Variants in UNC13B observed in about 807,000 individuals in gnomAD.
The protein encoded by UNC13B is unc-13 homolog B.
UNC13B carries 144 observed loss-of-function variants against 211.0 expected under a neutral mutation model. That is an observed-to-expected ratio of 0.68 (90% confidence interval 0.60 to 0.78). UNC13B has a LOEUF of 0.78. UNC13B is among the 30% of genes least tolerant of loss of function. UNC13B has a pLI of 0.00. For synonymous variants in UNC13B, 709 were observed against 725.8 expected, an observed-to-expected ratio of 0.98 and a Z score of 0.37; for missense variants, 1,777 against 2,002.0, an observed-to-expected ratio of 0.89 and a Z score of 2.14.
intron 2 of UNC13B, among the ~76,000 whole-genome samples, chr9:35,228,740 GTGTGTGTGTA>G (rs779579124): frequency 4.7e-5 from 6 of 126,342 alleles, no homozygotes; most frequent in East Asian, 2.6e-4. Flanking sequence ...GTGTGTGTGT[GTGTGTGTGTA>G]TGTGTGTGTC....
At chr9:35,266,296 T>A (rs1436382655) in intron 7 of UNC13B, among the ~76,000 whole-genome samples, 1 of 152,228 alleles carries the variant, frequency 6.6e-6, no homozygotes, top group Non-Finnish European at 1.5e-5. Flanking sequence ...GGATGGCCCC[T>A]CCACTACCCA....
At chr9:35,200,268 A>C (rs375539826) in intron 1 of UNC13B, among the ~76,000 whole-genome samples, 1 of 152,250 alleles carries the variant, frequency 6.6e-6, no homozygotes, top group African/African-American at 2.4e-5. Flanking sequence ...GTCAGGTAGC[A>C]TGATGCCTCC....
rs1587562883 is a variant in UNC13B at position 35,296,797 on chromosome 9, T to C, written c.761+867T>C. On this transcript the variant is annotated intron_variant, in intron 8 of 39. Coordinates refer to ENST00000635942, the MANE Select transcript of UNC13B (RefSeq NM_001371189.2). The stretch of plus-strand genomic sequence containing the variant: ...AAATAAGTTGCAGATATTGTGTTAC[T>C]TCATCAGAAAGTATTTCAGCATGTT... Among the ~76,000 whole-genome samples the C allele has an allele frequency of 1.3e-5, 2 of 152,356 alleles. 1 individual carries two copies. Among genetic ancestry groups the C allele is most frequent in the Admixed American group, 1.3e-4 (2 of 15,300 alleles).
rs575059307 is a variant in UNC13B, at chr9:35,359,683, A to G, written c.9415-7264A>G. Among the ~76,000 whole-genome samples the G allele has an allele frequency of 1.2e-3, 177 of 152,270 alleles. 1 individual carries two copies. In the South Asian group the frequency reaches 0.035, roughly 31 times the overall value. On this transcript the variant is annotated intron_variant, in intron 11 of 39. Coordinates refer to ENST00000635942, the MANE Select transcript of UNC13B (RefSeq NM_001371189.2). Reference sequence around the variant, plus strand: ...CTCTCCCTTCTCTCTCACAACCTGTATTCAGTCCGTTAGTAAATTCCACTT... The same window carrying G: ...CTCTCCCTTCTCTCTCACAACCTGTGTTCAGTCCGTTAGTAAATTCCACTT...
intron 11 of UNC13B, among the ~76,000 whole-genome samples, chr9:35,340,279 A>C (rs934216615): frequency 9.2e-5 from 14 of 152,142 alleles, no homozygotes; most frequent in African/African-American, 3.4e-4. Flanking sequence ...TGGCTGTGTA[A>C]TGAGGTGGAT....
intron 1 of UNC13B, among the ~76,000 whole-genome samples, chr9:35,191,371 G>A (rs1045355190): frequency 2.0e-5 from 3 of 152,170 alleles, no homozygotes; most frequent in African/African-American, 7.2e-5. Flanking sequence ...TAGCCCCTAA[G>A]CTGTCCTTGC....
At chr9:35,188,418 G>A (rs996972431) in intron 1 of UNC13B, among the ~76,000 whole-genome samples, 2 of 152,152 alleles carry the variant, frequency 1.3e-5, no homozygotes, top group Non-Finnish European at 2.9e-5. Flanking sequence ...ATAATTGATA[G>A]CATATACTTA....
intron 23 of UNC13B, 138 bp downstream of exon 23, chr9:35,385,951 C>A: frequency 7.2e-7 from 1 of 1,390,902 alleles, no homozygotes; most frequent in Non-Finnish European, 9.7e-7. Context: ...TACCTGTTCC[C>A]TGGGTTACTT....
intron 1 of UNC13B, among the ~76,000 whole-genome samples, chr9:35,204,318 C>G (rs919569257): frequency 1.3e-5 from 2 of 152,170 alleles, no homozygotes; most frequent in Non-Finnish European, 2.9e-5. Context: ...TAGTGCAGTG[C>G]AGAGGGGAAA....
At position 35,304,541 on chromosome 9, in the gene UNC13B, C is replaced by A; in HGVS notation, c.5137C>A (p.Leu1713Ile). The part of the protein sequence containing the change: ...QPLAEDSSVH[L>I]SSFHWLQSSV... The stretch of plus-strand genomic sequence containing the variant: ...TCTAGCTGAAGATTCATCAGTTCAC[C>A]TTTCCAGTTTCCATTGGCTTCAGTC... Residue 1713 changes from leucine (L) to isoleucine (I), a missense_variant, in exon 9 of 40, where the codon CTT (leucine) becomes ATT (isoleucine). Leu to Ile is a conservative substitution (Grantham distance 5, BLOSUM62 2). Coordinates refer to ENST00000635942, the MANE Select transcript of UNC13B (RefSeq NM_001371189.2). 1 of 398,686 alleles carries A rather than the reference C, an allele frequency of 2.5e-6. No individual in the cohort carries two copies. Among genetic ancestry groups the A allele is most frequent in the South Asian group, 1.3e-4 (1 of 7,828 alleles). The allele number at this position is 398,686 out of a possible 1,614,324, so 24.7% of individuals were successfully genotyped here.
At chr9:35,380,717 C>A in intron 18 of UNC13B, 78 bp downstream of exon 18, 1 of 1,569,562 alleles carries the variant, frequency 6.4e-7, no homozygotes, top group Non-Finnish European at 8.7e-7. Flanking sequence ...TCTACCAAAA[C>A]CACCATCTGT....
intron 5 of UNC13B, among the ~76,000 whole-genome samples, chr9:35,240,357 G>C (rs1214927214): frequency 6.6e-6 from 1 of 152,094 alleles, no homozygotes; most frequent in African/African-American, 2.4e-5. Flanking sequence ...TATGATCTCA[G>C]TGTATTTGTA....
At position 35,316,562 on chromosome 9, in the gene UNC13B, G is replaced by C. The variant is rs564710733; in HGVS notation, c.9414+2573G>C. Among the ~76,000 whole-genome samples, 3 of 152,210 alleles carry C rather than the reference G, an allele frequency of 2.0e-5. No individual in the cohort carries two copies. In the East Asian group the frequency reaches 5.8e-4, roughly 29 times the overall value. ...ATGTTACTGATAAAAACTCATAATTGCATGCTCTAAAATCTTGGAAAGAGA... is the reference window on the plus strand; with the variant it reads ...ATGTTACTGATAAAAACTCATAATTCCATGCTCTAAAATCTTGGAAAGAGA... On this transcript the variant is annotated intron_variant, in intron 11 of 39. Coordinates refer to ENST00000635942, the MANE Select transcript of UNC13B (RefSeq NM_001371189.2).
chr9:35,162,496 A>G (rs560126017), intron 1 of UNC13B, among the ~76,000 whole-genome samples, 191 bp downstream of exon 1: 30 of 152,320 alleles, frequency 2.0e-4, no homozygotes, highest in South Asian at 8.3e-4. Flanking sequence ...AAGCTCCTGC[A>G]AGGGACGATT....
chr9:35,388,402 C>T (rs146193932), intron 24 of UNC13B, among the ~76,000 whole-genome samples: 474 of 151,588 alleles, frequency 3.1e-3, no homozygotes, highest in African/African-American at 0.011. Context: ...AGTGAGACTC[C>T]GTCTCAAAAA....
Position 35,237,838 on chromosome 9 carries a change from T to G in UNC13B, c.394+12T>G. ...TGAGTTGCCTTTTGGTGAGTAAAAT[T>G]TTAAAACTATTTAATAATTTTTACC... On this transcript the variant is annotated intron_variant, in intron 5 of 39. Coordinates refer to ENST00000635942, the MANE Select transcript of UNC13B (RefSeq NM_001371189.2). 3 of 1,591,042 alleles carry G rather than the reference T, an allele frequency of 1.9e-6. No homozygotes were observed. The highest frequency in any genetic ancestry group is 2.6e-6 in the Non-Finnish European group (3 of 1,171,980).
chr9:35,275,235 G>A (rs1391744300), intron 7 of UNC13B, among the ~76,000 whole-genome samples: 1 of 152,094 alleles, frequency 6.6e-6, no homozygotes, highest in African/African-American at 2.4e-5. Flanking sequence ...TCAAATGTCT[G>A]TGTTCTTTCC....
At chr9:35,281,012 G>A (rs1828452186) in intron 7 of UNC13B, among the ~76,000 whole-genome samples, 2 of 152,134 alleles carry the variant, frequency 1.3e-5, no homozygotes, top group African/African-American at 4.8e-5. Context: ...TTCATTGGGA[G>A]GCTGAGGCGG....
chr9:35,351,654 C>G (rs889412646), intron 11 of UNC13B: 4 of 1,232,272 alleles, frequency 3.2e-6, no homozygotes, highest in Non-Finnish European at 4.0e-6. Flanking sequence ...TCTGGCCCTG[C>G]TGGATCCTTA....
Sources: allele counts gnomAD v4.1 joint callset (sites outside exome capture counted in the v4.1 genomes callset), GRCh38; gene constraint gnomAD v4.1.1; transcripts MANE v1.5; gene names NCBI Gene and HGNC (gene_info 2026-07-23, HGNC 2026-07-21).